SAFB: variants seen among roughly 807,000 people sequenced by gnomAD.
SAFB encodes scaffold attachment factor B1.
A neutral mutation model predicts 101.6 loss-of-function variants in SAFB; 15 were observed. That is an observed-to-expected ratio of 0.15 (90% confidence interval 0.10 to 0.23). The LOEUF (loss-of-function observed/expected upper bound fraction) is 0.23, where lower values mean the gene tolerates loss of function less well. SAFB is among the 10% of genes least tolerant of loss of function. The pLI, the probability that SAFB is intolerant of heterozygous loss-of-function variation, is 1.00. For synonymous variants in SAFB, 449 were observed against 407.5 expected (o/e 1.10, Z -1.23); for missense variants, 930 against 1,104.1 (o/e 0.84, Z 2.23).
intron 4 of SAFB, among the ~76,000 whole-genome samples, chr19:5,642,816 C>T (rs2053751782): frequency 6.6e-6 from 1 of 151,834 alleles, no homozygotes; most frequent in Non-Finnish European, 1.5e-5. Context: ...TAGGCGCCCA[C>T]CACCAAGCCC....
chr19:5,635,921 G>A (rs1454931096), intron 2 of SAFB, among the ~76,000 whole-genome samples: 1 of 152,064 alleles, frequency 6.6e-6, no homozygotes, highest in Non-Finnish European at 1.5e-5. Flanking sequence ...TTTCCCATTT[G>A]CATTCATTTT....
At chr19:5,629,620 C>T (rs916223336) in intron 2 of SAFB, among the ~76,000 whole-genome samples, 1 of 152,000 alleles carries the variant, frequency 6.6e-6, no homozygotes, top group Non-Finnish European at 1.5e-5. Context: ...AATTATCACT[C>T]GGTACTTCCA....
At chr19:5,664,504 G>A (rs758960771) in intron 17 of SAFB, 65 bp downstream of exon 17, 56 of 1,270,112 alleles carry the variant, frequency 4.4e-5, no homozygotes, top group Admixed American at 2.4e-4. Context: ...TCCCTTCAGC[G>A]TGCCTTCTTC....
At chr19:5,623,802 CA>C (rs1259636296) in intron 1 of SAFB, 1 of 167,438 alleles carries the variant, frequency 6.0e-6, no homozygotes, top group Non-Finnish European at 1.3e-5. Context: ...GATTTGAACC[CA>C]GGCCCTGGGA....
chr19:5,634,378 T>C (rs1408793356), intron 2 of SAFB, among the ~76,000 whole-genome samples: 1 of 152,074 alleles, frequency 6.6e-6, no homozygotes, highest in Non-Finnish European at 1.5e-5. Flanking sequence ...GATAGGATAT[T>C]GCAAACAACA....
chr19:5,651,065 A>AC lies in SAFB; in HGVS notation c.1286_1287insC (p.Gly430TrpfsTer36). 1 of 1,601,266 alleles carries AC rather than the reference A, an allele frequency of 6.2e-7. No individual in the cohort carries two copies. The highest frequency in any genetic ancestry group is 8.5e-7 in the Non-Finnish European group (1 of 1,171,274). ...GATTTGAAGAATCTTTTCAGCAAAT[A>AC]TGGGAAGGTAAGTGCCAGAGCTTTT... On this transcript the variant is annotated frameshift_variant, in exon 9 of 21. Transcript: ENST00000588852. LOFTEE classifies it high-confidence loss of function.
intron 9 of SAFB, among the ~76,000 whole-genome samples, chr19:5,651,632 G>T (rs2053940639): frequency 6.6e-6 from 1 of 152,060 alleles, no homozygotes; most frequent in South Asian, 2.1e-4. Context: ...GTGAAGGTGG[G>T]GCTGGTGGCA....
At chr19:5,658,214 T>C (rs1219257047) in intron 14 of SAFB, among the ~76,000 whole-genome samples, 2 of 151,932 alleles carry the variant, frequency 1.3e-5, no homozygotes, top group Non-Finnish European at 2.9e-5. Context: ...GCCAGGCTGG[T>C]TTCAAACTCC....
At position 5,654,058 on chromosome 19, in the gene SAFB, T is replaced by C. The variant is rs762425436; in HGVS notation, c.1527-3T>C. On this transcript the variant is annotated splice_polypyrimidine_tract_variant and splice_region_variant and intron_variant, in intron 11 of 20. Coordinates refer to ENST00000588852, the MANE Select transcript of SAFB (RefSeq NM_001201338.2). ...GCCCAGCCAACATGTCTGTTTTTTA[T>C]AGATCTACAAACCTTAAGAGGGATG... is the stretch of plus-strand genomic sequence containing the variant. The C allele has an allele frequency of 1.2e-5, 19 of 1,613,750 alleles. No individual in the cohort carries two copies. The highest frequency in any genetic ancestry group is 1.5e-5 in the Non-Finnish European group (18 of 1,179,914).
At chr19:5,654,686 C>T (rs2054015072) in intron 13 of SAFB, among the ~76,000 whole-genome samples, 2 of 152,132 alleles carry the variant, frequency 1.3e-5, no homozygotes, top group South Asian at 2.1e-4. Flanking sequence ...CAGGCTCAAG[C>T]GATTCTCCTG....
At chr19:5,662,643 C>CTTTTT (rs564198873) in intron 15 of SAFB, among the ~76,000 whole-genome samples, 1 of 139,120 alleles carries the variant, frequency 7.2e-6, no homozygotes, top group Non-Finnish European at 1.6e-5. Flanking sequence ...AGGCCCTTTC[C>CTTTTT]TTTTTTTTTT....
At chr19:5,634,334 G>A (rs922787783) in intron 2 of SAFB, among the ~76,000 whole-genome samples, 9 of 151,890 alleles carry the variant, frequency 5.9e-5, no homozygotes, top group South Asian at 2.1e-4. Context: ...AATTCTGGGC[G>A]GGGGGGAATA....
chr19:5,626,518 T>C (rs747581077), intron 2 of SAFB, 29 bp downstream of exon 2: 1 of 1,310,870 alleles, frequency 7.6e-7, no homozygotes. Context: ...GCAAGTTTCA[T>C]GTTAAGTGCT....
intron 2 of SAFB, among the ~76,000 whole-genome samples, chr19:5,634,293 G>A (rs2053550259): frequency 6.6e-6 from 1 of 151,900 alleles, no homozygotes; most frequent in Non-Finnish European, 1.5e-5. Flanking sequence ...TTCCATAATA[G>A]TCTAAAAAGA....
intron 14 of SAFB, among the ~76,000 whole-genome samples, chr19:5,658,879 G>T (rs1568276125): frequency 2.0e-5 from 3 of 150,806 alleles, no homozygotes; most frequent in Admixed American, 6.6e-5. Flanking sequence ...GGGCGCGGTG[G>T]CTCACGCCTG....
intron 5 of SAFB, among the ~76,000 whole-genome samples, chr19:5,647,643 A>G (rs964523722): frequency 5.9e-5 from 9 of 152,192 alleles, no homozygotes; most frequent in Non-Finnish European, 1.0e-4. Context: ...TCGTAGCTTC[A>G]TTGAGTGAAA....
At chr19:5,652,170 G>A (rs746097391) in intron 9 of SAFB, among the ~76,000 whole-genome samples, 4 of 151,540 alleles carry the variant, frequency 2.6e-5, no homozygotes, top group Non-Finnish European at 5.9e-5. Flanking sequence ...TCCAGCCTGG[G>A]ACAGAGCAAG....
Position 5,668,223 on chromosome 19 carries a change from C to A in SAFB, c.2686C>A (p.Gln896Lys). The change falls in exon 21 of 21, where the codon CAG (glutamine) becomes AAG (lysine). Residue 896 changes from glutamine to lysine, a missense_variant. Around this residue, in one of 7 missense-constraint regions of SAFB, gnomAD observed 318 missense variants for 342.6 expected, o/e 0.93. Transcript: ENST00000588852. ...CCACCCCATCCCACACGGTGGCATG[C>A]AGGGCGGGTTTGGAGGCCAGAGCCG... is the stretch of plus-strand genomic sequence containing the variant. Reference protein sequence around the residue: ...RGHPIPHGGMQGGFGGQSRGS... With the variant: ...RGHPIPHGGMKGGFGGQSRGS... The A allele has an allele frequency of 6.2e-7, 1 of 1,610,098 alleles. No homozygotes were observed.
At chr19:5,626,038 G>C (rs915721563) in intron 1 of SAFB, among the ~76,000 whole-genome samples, 1 of 152,128 alleles carries the variant, frequency 6.6e-6, no homozygotes, top group Admixed American at 6.5e-5. Context: ...TCTGGGCTTA[G>C]GAAGGAGATG....
Sources: gnomAD v4.1 joint callset for allele counts (sites outside exome capture counted in the v4.1 genomes callset) on GRCh38, gnomAD v4.1.1 for gene constraint, gnomAD v4.1.1 regional missense constraint, MANE v1.5 for transcripts, NCBI Gene and HGNC (gene_info 2026-07-23, HGNC 2026-07-21) for gene names.